The following DERL1 variants were observed in gnomAD, a reference collection of about 807,000 sequenced individuals.
DERL1 encodes derlin 1.
In DERL1, 24 loss-of-function variants were observed where a neutral mutation model predicts 41.6. The observed-to-expected ratio is 0.58, with a 90% CI of 0.42 to 0.81. The LOEUF is 0.81. Among genes scored for constraint, DERL1 ranks in the 30% least tolerant of loss-of-function variants. The pLI is 0.00. For synonymous variants in DERL1, 124 were observed against 112.5 expected (o/e 1.10, Z -0.65); for missense variants, 260 against 314.3 (o/e 0.83, Z 1.31).
chr8:123,017,544 G>A (rs541152229), intron 7 of DERL1: 1 of 152,132 alleles, frequency 6.6e-6, no homozygotes, highest in Non-Finnish European at 1.5e-5. Flanking sequence ...AAAATTTATG[G>A]TAATTTCAAA....
chr8:123,040,673 G>A (rs1813035711), intron 1 of DERL1, among the ~76,000 whole-genome samples: 1 of 152,192 alleles, frequency 6.6e-6, no homozygotes, highest in African/African-American at 2.4e-5. Flanking sequence ...AGATTGCAGT[G>A]ATAATGGCTT....
chr8:123,021,042 A>C (rs534168733), intron 6 of DERL1, among the ~76,000 whole-genome samples: 1 of 152,044 alleles, frequency 6.6e-6, no homozygotes. Flanking sequence ...CTGGATTTCT[A>C]TGACCGATAG....
intron 2 of DERL1, among the ~76,000 whole-genome samples, chr8:123,026,349 T>C (rs1485117555): frequency 2.0e-5 from 3 of 152,236 alleles, no homozygotes; most frequent in African/African-American, 7.2e-5. Context: ...AAGGAGTCTT[T>C]AGACTGAGTA....
chr8:123,035,468 G>GA (rs1356479138), intron 1 of DERL1, among the ~76,000 whole-genome samples: 2 of 152,170 alleles, frequency 1.3e-5, no homozygotes, highest in African/African-American at 4.8e-5. Flanking sequence ...TGCCAGGAGT[G>GA]AAGAGGCCCA....
intron 7 of DERL1, 67 bp downstream of exon 7, chr8:123,019,128 C>T: frequency 9.3e-7 from 1 of 1,076,924 alleles, no homozygotes; most frequent in Non-Finnish European, 1.4e-6. Context: ...CCTCATGGAG[C>T]TCTCATTAGG....
intron 1 of DERL1, among the ~76,000 whole-genome samples, chr8:123,034,895 T>C (rs1812892528): frequency 6.6e-6 from 1 of 152,242 alleles, no homozygotes; most frequent in South Asian, 2.1e-4. Context: ...CTATGACTTC[T>C]GCCTTCCTTA....
chr8:123,029,220 TATG>T (rs1293750191), intron 2 of DERL1, among the ~76,000 whole-genome samples: 1 of 152,168 alleles, frequency 6.6e-6, no homozygotes, highest in Non-Finnish European at 1.5e-5. Flanking sequence ...AAACCCCTAA[TATG>T]GTGGTGAGAG....
chr8:123,035,759 T>C (rs151290031), intron 1 of DERL1, among the ~76,000 whole-genome samples: 1 of 152,314 alleles, frequency 6.6e-6, no homozygotes, highest in East Asian at 1.9e-4. Flanking sequence ...TCCTCAGTTA[T>C]TAGTCCAACA....
intron 2 of DERL1, chr8:123,025,633 C>G (rs1812666988): frequency 6.6e-6 from 1 of 152,230 alleles, no homozygotes; most frequent in Non-Finnish European, 1.5e-5. Flanking sequence ...GCCTTAGATA[C>G]TGAAAAAGAA....
intron 1 of DERL1, among the ~76,000 whole-genome samples, chr8:123,037,217 T>C (rs756288788): frequency 3.9e-5 from 6 of 152,246 alleles, no homozygotes; most frequent in Non-Finnish European, 5.9e-5. Flanking sequence ...AGGCTACTTA[T>C]TGGGTATTAC....
intron 2 of DERL1, among the ~76,000 whole-genome samples, chr8:123,028,463 G>C (rs1812751630): frequency 1.3e-5 from 2 of 152,194 alleles, no homozygotes; most frequent in South Asian, 4.1e-4. Context: ...GGGAAAGTGG[G>C]AGGTAAAGAG....
At chr8:123,031,770 A>G (rs1400163057) in intron 1 of DERL1, among the ~76,000 whole-genome samples, 1 of 152,176 alleles carries the variant, frequency 6.6e-6, no homozygotes, top group African/African-American at 2.4e-5. Context: ...GCTTCATAGT[A>G]TTCCTTGTAT....
At chr8:123,030,874 A>G in intron 1 of DERL1, 158 bp from the exon 2 acceptor site, 2 of 609,430 alleles carry the variant, frequency 3.3e-6, no homozygotes, top group Non-Finnish European at 5.8e-6. Flanking sequence ...AAAAGTGTTC[A>G]CACCAAATAC....
In DERL1 at chr8:123,022,839, TCTAC is replaced by T; in HGVS notation, c.358-64_358-61del. ...CAGAGGCACTTAAAAAAGGTGTACA[TCTAC>T]TATGCTTTTTACCCCTCCTCTTCAC... On this transcript the variant is annotated intron_variant, in intron 4 of 7. Transcript: ENST00000259512. 6 of 1,409,610 alleles carry T rather than the reference TCTAC, an allele frequency of 4.3e-6. No homozygotes were observed. In the South Asian group the frequency reaches 6.9e-5, roughly 16 times the overall value. 87.3% of individuals were successfully genotyped at this position (1,409,610 alleles called of 1,614,324 possible).
chr8:123,023,254 T>A (rs1006171884), intron 4 of DERL1, among the ~76,000 whole-genome samples: 7 of 152,104 alleles, frequency 4.6e-5, no homozygotes, highest in Non-Finnish European at 7.4e-5. Flanking sequence ...TGACTTAAGA[T>A]CCTCAAAATA....
At position 123,015,323 on chromosome 8, in the gene DERL1, GT is replaced by G. The variant is rs1814529968; in HGVS notation, c.*123del. The G allele has an allele frequency of 1.6e-6, 2 of 1,234,662 alleles. No homozygotes were observed. The highest frequency in any genetic ancestry group is 2.2e-6 in the Non-Finnish European group (2 of 919,684). The allele number at this position is 1,234,662 out of a possible 1,614,324, so 76.5% of individuals were successfully genotyped here. A position where few individuals can be genotyped will look rare whatever the true frequency, so the allele number is the denominator to read the frequency against. ...TTCGGGATTTAAGAAACTTTGTCTC[GT>G]ACTGAAAGACTACATTCAGTGTGGG... On this transcript the variant is annotated 3_prime_UTR_variant, in exon 8 of 8. Coordinates refer to ENST00000259512, the MANE Select transcript of DERL1 (RefSeq NM_024295.6).
chr8:123,021,415 G>C (rs779337801), intron 6 of DERL1, 32 bp downstream of exon 6: 40 of 1,591,456 alleles, frequency 2.5e-5, no homozygotes, highest in Non-Finnish European at 3.4e-5. Flanking sequence ...CCAAGGATTA[G>C]TTTCCAATTA....
intron 2 of DERL1, among the ~76,000 whole-genome samples, chr8:123,027,725 G>A (rs1486715287): frequency 6.6e-6 from 1 of 152,180 alleles, no homozygotes; most frequent in Admixed American, 6.6e-5. Flanking sequence ...AGGTAATAGG[G>A]TTGGGTAAAG....
intron 1 of DERL1, among the ~76,000 whole-genome samples, chr8:123,032,190 A>G (rs1812831738): frequency 6.8e-6 from 1 of 147,658 alleles, no homozygotes; most frequent in South Asian, 2.1e-4. Context: ...GCTGGAGTGC[A>G]GTGGCATGAT....
Sources: allele counts gnomAD v4.1 joint callset (sites outside exome capture counted in the v4.1 genomes callset), GRCh38; gene constraint gnomAD v4.1.1; transcripts MANE v1.5; gene names NCBI Gene and HGNC (gene_info 2026-07-23, HGNC 2026-07-21).